Variants in WDPCP observed in about 807,000 individuals in gnomAD.
WDPCP encodes the protein WD repeat-containing and planar cell polarity effector protein fritz homolog.
In WDPCP, 71 loss-of-function variants were observed where a neutral mutation model predicts 93.1. That is an observed-to-expected ratio of 0.76 (90% CI 0.63 to 0.93). WDPCP has a LOEUF of 0.93. WDPCP is among the 40% of genes least tolerant of loss of function. The pLI, the probability that WDPCP is intolerant of heterozygous loss-of-function variation, is 0.00. For synonymous variants in WDPCP, 315 were observed against 315.0 expected (o/e 1.00, Z 0.00); for missense variants, 844 against 887.4 (o/e 0.95, Z 0.62).
At chr2:63,464,782 A>C (rs1256427997) in intron 6 of WDPCP, among the ~76,000 whole-genome samples, 1 of 152,146 alleles carries the variant, frequency 6.6e-6, no homozygotes, top group Non-Finnish European at 1.5e-5. Context: ...ACCAGTCAGT[A>C]ACAAAAAGAT....
At chr2:63,801,048 G>A (rs1670687524) in intron 2 of WDPCP, among the ~76,000 whole-genome samples, 1 of 152,156 alleles carries the variant, frequency 6.6e-6, no homozygotes. Flanking sequence ...GTATGCCCAT[G>A]TTTTGAAATA....
intron 1 of WDPCP, among the ~76,000 whole-genome samples, chr2:63,510,141 C>G (rs918049412): frequency 6.6e-6 from 1 of 152,074 alleles, no homozygotes; most frequent in Non-Finnish European, 1.5e-5. Context: ...AAGAAAATTT[C>G]AGGCCAATAT....
intron 2 of WDPCP, among the ~76,000 whole-genome samples, chr2:63,704,509 G>C (rs149085527): frequency 0.017 from 2,580 of 152,222 alleles, 21 homozygotes; most frequent in African/African-American, 0.018. Context: ...TAGCATGAAG[G>C]GTTGTTGAAT....
intron 2 of WDPCP, among the ~76,000 whole-genome samples, chr2:63,682,149 A>C (rs1445131109): frequency 6.6e-6 from 1 of 152,276 alleles, no homozygotes; most frequent in East Asian, 1.9e-4. Context: ...ACAAGCATCA[A>C]GATCATCCAG....
At chr2:63,241,134 A>G (rs1679826596) in intron 14 of WDPCP, among the ~76,000 whole-genome samples, 2 of 152,322 alleles carry the variant, frequency 1.3e-5, no homozygotes, top group African/African-American at 2.4e-5. Context: ...AGCATACTTA[A>G]TAAGATTACT....
At chr2:63,638,822 T>C (rs1178900041) in intron 3 of WDPCP, among the ~76,000 whole-genome samples, 2 of 147,146 alleles carry the variant, frequency 1.4e-5, no homozygotes, top group African/African-American at 5.0e-5. Context: ...AAAAAATCAA[T>C]GAAACAAAGA....
chr2:63,416,396 C>T (rs563344576), intron 9 of WDPCP, among the ~76,000 whole-genome samples: 5 of 141,898 alleles, frequency 3.5e-5, no homozygotes, highest in East Asian at 4.1e-4. Context: ...GACAGGGTTT[C>T]GCCATGTTGG....
intron 12 of WDPCP, among the ~76,000 whole-genome samples, chr2:63,350,553 C>T (rs1367498025): frequency 6.6e-6 from 1 of 151,964 alleles, no homozygotes; most frequent in East Asian, 1.9e-4. Flanking sequence ...TGAGCCAACC[C>T]ATTGTCAGTC....
At chr2:63,695,381 C>A (rs1187184847) in intron 2 of WDPCP, among the ~76,000 whole-genome samples, 1 of 152,114 alleles carries the variant, frequency 6.6e-6, no homozygotes, top group Non-Finnish European at 1.5e-5. Flanking sequence ...GTTGCTAGAT[C>A]AAATCCTGCC....
At chr2:63,425,819 GA>G (rs1696237271) in intron 9 of WDPCP, among the ~76,000 whole-genome samples, 1 of 152,170 alleles carries the variant, frequency 6.6e-6, no homozygotes, top group Non-Finnish European at 1.5e-5. Flanking sequence ...TACAGTCCAA[GA>G]AAACATTCCC....
chr2:63,783,739 G>A (rs1437173056), intron 2 of WDPCP, among the ~76,000 whole-genome samples: 1 of 152,140 alleles, frequency 6.6e-6, no homozygotes, highest in East Asian at 1.9e-4. Flanking sequence ...GGCATAAAGT[G>A]TGGAATGACA....
chr2:63,572,154 C>A (rs1210251697), intron 1 of WDPCP, among the ~76,000 whole-genome samples: 1 of 152,126 alleles, frequency 6.6e-6, no homozygotes, highest in Non-Finnish European at 1.5e-5. Flanking sequence ...TCCCTTAACC[C>A]ACTGAATACT....
At chr2:63,211,282 C>A (rs897273503) in intron 14 of WDPCP, among the ~76,000 whole-genome samples, 1 of 152,216 alleles carries the variant, frequency 6.6e-6, no homozygotes, top group Non-Finnish European at 1.5e-5. Flanking sequence ...AAGGATCAGG[C>A]AGCAACATTT....
intron 2 of WDPCP, among the ~76,000 whole-genome samples, chr2:63,742,446 C>T (rs1335257337): frequency 6.6e-6 from 1 of 151,458 alleles, no homozygotes; most frequent in Non-Finnish European, 1.5e-5. Flanking sequence ...TCTGGCCTTC[C>T]TACTTCATTA....
chr2:63,574,006 C>G (rs1028231451), intron 1 of WDPCP, among the ~76,000 whole-genome samples: 2 of 152,148 alleles, frequency 1.3e-5, no homozygotes, highest in African/African-American at 2.4e-5. Flanking sequence ...GTTGTCTGCT[C>G]TTAAACCCTG....
At chr2:63,604,556 T>C in intron 3 of WDPCP, 1 of 695,126 alleles carries the variant, frequency 1.4e-6, no homozygotes, top group Non-Finnish European at 2.3e-6. Context: ...TTTACATTTT[T>C]TACAAGTCAA....
intron 2 of WDPCP, among the ~76,000 whole-genome samples, 198 bp from the exon 3 acceptor site, chr2:63,487,692 A>C (rs1410281163): frequency 6.6e-6 from 1 of 152,120 alleles, no homozygotes; most frequent in Non-Finnish European, 1.5e-5. Context: ...AAAGTTTATC[A>C]ATCTAATGAG....
Position 63,378,410 on chromosome 2 carries a change from C to G in WDPCP, c.1724G>C (p.Arg575Thr), listed in dbSNP as rs746415470. Residue 575 changes from arginine to threonine, a missense_variant, in exon 12 of 18, where the codon AGG (arginine) becomes ACG (threonine). Physicochemically the swap from Arg to Thr is moderately conservative, Grantham distance 71. Coordinates refer to ENST00000272321, the MANE Select transcript of WDPCP (RefSeq NM_015910.7). Reference protein sequence around the residue: ...EYRDQISKYARRFFHHLLRYQ... With the variant: ...EYRDQISKYATRFFHHLLRYQ... ...CCTGAGCAAGTGATGGAAGAATCTC[C>G]TTGCATATTTGCTGATTTGATCTCT... is the stretch of plus-strand genomic sequence containing the variant. 6.2e-7 allele frequency: 1 copy of G among 1,612,966 alleles called. No homozygotes were observed. The highest frequency in any genetic ancestry group is 8.5e-7 in the Non-Finnish European group (1 of 1,179,384).
Position 63,733,462 on chromosome 2 carries a change from A to C in WDPCP, n.308+80160T>G, listed in dbSNP as rs959678119. On this transcript the variant is annotated intron_variant and non_coding_transcript_variant, in intron 2 of 4. Coordinates refer to the WDPCP transcript ENST00000467687. ...CATGATCCACCCGCCTCGGCCTCCC[A>C]AAGTGCTGGGATTACAGGCGTGAGC... Among the ~76,000 whole-genome samples the C allele has an allele frequency of 1.2e-4, 17 of 146,466 alleles. 1 individual carries two copies. The highest frequency in any genetic ancestry group is 8.1e-4 in the Admixed American group (12 of 14,878).
Sources: gnomAD v4.1 joint callset for allele counts (sites outside exome capture counted in the v4.1 genomes callset) on GRCh38, gnomAD v4.1.1 for gene constraint, MANE v1.5 for transcripts, NCBI Gene and HGNC (gene_info 2026-07-23, HGNC 2026-07-21) for gene names.